BTBD9: variants seen among roughly 807,000 people sequenced by gnomAD.
BTBD9 encodes the protein BTB domain containing 9.
BTBD9 carries 49 observed loss-of-function variants against 64.3 expected under a neutral mutation model. The ratio of observed to expected loss-of-function variants is 0.76; its 90% CI spans 0.61 to 0.97. BTBD9 has a LOEUF of 0.97. Among genes scored for constraint, BTBD9 ranks in the 50% least tolerant of loss-of-function variants. The probability of loss-of-function intolerance (pLI) is 0.00; values close to 1 mark genes in which losing one functional copy is unlikely to be tolerated. For missense variants in BTBD9, 598 were observed against 762.1 expected (o/e 0.78, Z 2.53); for synonymous variants, 260 against 274.7 (o/e 0.95, Z 0.53).
chr6:38,558,004 A>G (rs1775103190), intron 6 of BTBD9, among the ~76,000 whole-genome samples: 1 of 152,226 alleles, frequency 6.6e-6, no homozygotes, highest in South Asian at 2.1e-4. Flanking sequence ...TCATGCCTGT[A>G]ATCCCAGCAC....
intron 6 of BTBD9, among the ~76,000 whole-genome samples, chr6:38,550,699 C>A (rs1774758731): frequency 6.6e-6 from 1 of 152,112 alleles, no homozygotes; most frequent in Non-Finnish European, 1.5e-5. Context: ...TAAAGCAATC[C>A]CTACCTCCAC....
chr6:38,233,580 G>T (rs956732141), intron 9 of BTBD9, among the ~76,000 whole-genome samples: 2 of 152,252 alleles, frequency 1.3e-5, no homozygotes, highest in Non-Finnish European at 1.5e-5. Context: ...CACAGCCACT[G>T]CACTATGACT....
intron 6 of BTBD9, among the ~76,000 whole-genome samples, chr6:38,567,772 T>G (rs187347969): frequency 1.3e-5 from 2 of 152,326 alleles, no homozygotes; most frequent in East Asian, 3.9e-4. Context: ...TAATGATGAC[T>G]GAGAAAGCTC....
At chr6:38,487,424 T>C (rs1771496117) in intron 6 of BTBD9, among the ~76,000 whole-genome samples, 1 of 151,690 alleles carries the variant, frequency 6.6e-6, no homozygotes, top group African/African-American at 2.4e-5. Flanking sequence ...CTACAAAAAA[T>C]ACAAAAATTA....
At chr6:38,189,788 C>T (rs1319225838) in intron 10 of BTBD9, among the ~76,000 whole-genome samples, 2 of 152,136 alleles carry the variant, frequency 1.3e-5, no homozygotes, top group African/African-American at 4.8e-5. Flanking sequence ...ATCGTCTTGC[C>T]TCAGCCTCCC....
chr6:38,466,446 T>C (rs745686989), intron 6 of BTBD9, among the ~76,000 whole-genome samples: 4 of 151,956 alleles, frequency 2.6e-5, no homozygotes, highest in African/African-American at 4.8e-5. Flanking sequence ...CATGTATCAC[T>C]ACGCCTGACT....
chr6:38,345,599 A>G (rs1239478325), intron 6 of BTBD9, among the ~76,000 whole-genome samples: 1 of 152,228 alleles, frequency 6.6e-6, no homozygotes, highest in African/African-American at 2.4e-5. Flanking sequence ...AACTACTCAC[A>G]GTTTCTTTTA....
chr6:38,568,795 C>G (rs1212535164), intron 6 of BTBD9, among the ~76,000 whole-genome samples: 3 of 152,150 alleles, frequency 2.0e-5, no homozygotes, highest in Non-Finnish European at 4.4e-5. Context: ...ACTTTCTTTA[C>G]TTCTTGGGAA....
intron 7 of BTBD9, among the ~76,000 whole-genome samples, chr6:38,299,691 T>G (rs1224807807): frequency 1.3e-5 from 2 of 152,354 alleles, no homozygotes; most frequent in South Asian, 2.1e-4. Flanking sequence ...TTTGCCCACT[T>G]TTTGATGGGG....
At chr6:38,418,890 A>T (rs1226134063) in intron 6 of BTBD9, among the ~76,000 whole-genome samples, 2 of 152,158 alleles carry the variant, frequency 1.3e-5, no homozygotes, top group East Asian at 3.9e-4. Context: ...AGGCAGGAGG[A>T]TTGCTTAAGC....
chr6:38,472,996 G>C (rs908574454), intron 6 of BTBD9, among the ~76,000 whole-genome samples: 1 of 152,150 alleles, frequency 6.6e-6, no homozygotes. Context: ...AAACACCATG[G>C]AAGCTCCTGA....
At chr6:38,367,302 A>C (rs922463306) in intron 6 of BTBD9, among the ~76,000 whole-genome samples, 2 of 152,218 alleles carry the variant, frequency 1.3e-5, no homozygotes, top group African/African-American at 4.8e-5. Context: ...TTAAGATTAG[A>C]AATATACATA....
intron 6 of BTBD9, among the ~76,000 whole-genome samples, chr6:38,515,050 T>A (rs1380297963): frequency 1.3e-5 from 2 of 152,122 alleles, no homozygotes; most frequent in Admixed American, 1.3e-4. Flanking sequence ...AATTCTAAAG[T>A]ATTTGGGAAA....
chr6:38,183,704 G>A (rs1582010985), intron 10 of BTBD9, among the ~76,000 whole-genome samples: 2 of 152,168 alleles, frequency 1.3e-5, no homozygotes, highest in South Asian at 4.1e-4. Flanking sequence ...ATATTTTTGT[G>A]CAACCGAATG....
chr6:38,479,201 G>A lies in BTBD9; in HGVS notation c.1154+98399C>T, dbSNP rs148865424. Among the ~76,000 whole-genome samples, 438 of 152,250 alleles carry A rather than the reference G, an allele frequency of 2.9e-3. 2 individuals carry two copies. The highest frequency in any genetic ancestry group is 0.01 in the African/African-American group (419 of 41,522). ...ATACAATGAAAAGTCAGTGGAACCTGACAGGCGCCCAATGTGGAGCACAGG... is the reference window on the plus strand; with the variant it reads ...ATACAATGAAAAGTCAGTGGAACCTAACAGGCGCCCAATGTGGAGCACAGG... On this transcript the variant is annotated intron_variant, in intron 6 of 10. Transcript: ENST00000481247.
intron 6 of BTBD9, among the ~76,000 whole-genome samples, chr6:38,384,185 C>T (rs1289296511): frequency 1.3e-5 from 2 of 152,226 alleles, no homozygotes; most frequent in Admixed American, 1.3e-4. Flanking sequence ...TTCTTTTAAG[C>T]TTGCAATTGA....
intron 6 of BTBD9, among the ~76,000 whole-genome samples, chr6:38,568,079 T>C (rs372376180): frequency 7.2e-5 from 11 of 152,296 alleles, no homozygotes; most frequent in African/African-American, 2.4e-4. Context: ...AGATATATAA[T>C]TAATGGCTAA....
intron 6 of BTBD9, among the ~76,000 whole-genome samples, chr6:38,353,008 T>TGATC (rs1425102358): frequency 6.6e-6 from 1 of 152,216 alleles, no homozygotes; most frequent in Non-Finnish European, 1.5e-5. Flanking sequence ...GATTGATAGG[T>TGATC]GATCTATTTA....
At chr6:38,487,724 C>A (rs939423082) in intron 6 of BTBD9, among the ~76,000 whole-genome samples, 1 of 151,842 alleles carries the variant, frequency 6.6e-6, no homozygotes, top group African/African-American at 2.4e-5. Context: ...GGAGGGGAAT[C>A]GAGTTTGCAA....
Sources: allele counts gnomAD v4.1 joint callset (sites outside exome capture counted in the v4.1 genomes callset), GRCh38; gene constraint gnomAD v4.1.1; transcripts MANE v1.5; gene names NCBI Gene and HGNC (gene_info 2026-07-23, HGNC 2026-07-21).